KATNAL1: variants seen among roughly 807,000 people sequenced by gnomAD.
KATNAL1 encodes katanin p60 ATPase-containing subunit A-like 1.
Under a neutral mutation model 55.2 loss-of-function variants are expected in KATNAL1, and 32 were observed. The ratio of observed to expected loss-of-function variants is 0.58; its 90% CI spans 0.44 to 0.78. The LOEUF (loss-of-function observed/expected upper bound fraction) is 0.78. Among genes scored for constraint, KATNAL1 ranks in the 30% least tolerant of loss-of-function variants. The pLI is 0.00. For missense variants in KATNAL1, 466 were observed against 600.9 expected, an observed-to-expected ratio of 0.78 and a Z score of 2.35; for synonymous variants, 193 against 193.6, an observed-to-expected ratio of 1.00 and a Z score of 0.02.
At chr13:30,266,501 T>C (rs992425032) in intron 3 of KATNAL1, among the ~76,000 whole-genome samples, 7 of 152,336 alleles carry the variant, frequency 4.6e-5, no homozygotes, top group Non-Finnish European at 1.0e-4. Context: ...TAATATTAAA[T>C]TTCTCCTAAG....
intron 4 of KATNAL1, among the ~76,000 whole-genome samples, chr13:30,253,519 G>T (rs928704452): frequency 3.3e-5 from 5 of 151,964 alleles, no homozygotes; most frequent in African/African-American, 1.2e-4. Context: ...AAAAAAATTA[G>T]CCGGGCATGG....
chr13:30,260,237 A>C (rs1345787514), intron 3 of KATNAL1, among the ~76,000 whole-genome samples: 1 of 152,200 alleles, frequency 6.6e-6, no homozygotes, highest in East Asian at 1.9e-4. Context: ...ACCATCATCA[A>C]AGACCAAAAG....
chr13:30,283,751 A>G lies in KATNAL1; in HGVS notation c.27T>C (p.Asn9=), dbSNP rs771208247. ...GGGCATATTCTCTTCCTTTCTTTGC[A>G]TTATCACAAATCTCAGCCAAATTCA... The part of the protein sequence containing the change: MNLAEICD[N]AKKGREYALL... Residue 9 remains asparagine, a synonymous_variant, in exon 2 of 11, where the codon AAT becomes AAC. Coordinates refer to ENST00000380615, the MANE Select transcript of KATNAL1 (RefSeq NM_032116.5). The G allele has an allele frequency of 1.3e-5, 21 of 1,610,948 alleles. No homozygotes were observed. The East Asian group carries it at 4.2e-4, about 33-fold the overall frequency.
chr13:30,277,852 G>A (rs897275190), intron 3 of KATNAL1, among the ~76,000 whole-genome samples: 7 of 150,344 alleles, frequency 4.7e-5, no homozygotes, highest in East Asian at 1.9e-4. Context: ...GCGTAGTGGC[G>A]GGCGCCTGTA....
intron 1 of KATNAL1, among the ~76,000 whole-genome samples, chr13:30,303,163 T>C (rs1170433724): frequency 1.3e-5 from 2 of 152,230 alleles, no homozygotes; most frequent in Non-Finnish European, 2.9e-5. Flanking sequence ...ATTTACTCCT[T>C]TGCCATCCGT....
chr13:30,209,468 A>G (rs1873451780), intron 10 of KATNAL1, among the ~76,000 whole-genome samples: 1 of 152,236 alleles, frequency 6.6e-6, no homozygotes, highest in African/African-American at 2.4e-5. Flanking sequence ...CGAGCAGAAA[A>G]GGTGAGAAAA....
chr13:30,221,869 T>C (rs973922083), intron 9 of KATNAL1, among the ~76,000 whole-genome samples: 10 of 152,202 alleles, frequency 6.6e-5, no homozygotes, highest in South Asian at 6.2e-4. Context: ...CTGACCAACA[T>C]GAGGAAACCC....
intron 3 of KATNAL1, among the ~76,000 whole-genome samples, chr13:30,260,595 A>T (rs9741202): frequency 0.013 from 2,008 of 152,184 alleles, 37 homozygotes; most frequent in African/African-American, 0.045. Context: ...GGAGCCGATG[A>T]GATCAACTGG....
At chr13:30,253,082 T>A (rs1178793349) in intron 4 of KATNAL1, among the ~76,000 whole-genome samples, 2 of 152,174 alleles carry the variant, frequency 1.3e-5, no homozygotes, top group African/African-American at 4.8e-5. Context: ...TTAGCAGAAG[T>A]GGGTATCTAT....
intron 3 of KATNAL1, among the ~76,000 whole-genome samples, chr13:30,269,751 C>T (rs1170946823): frequency 6.6e-5 from 10 of 150,560 alleles, no homozygotes; most frequent in Non-Finnish European, 1.3e-4. Flanking sequence ...GGAGACCCTC[C>T]GCCTGGCAAC....
intron 3 of KATNAL1, among the ~76,000 whole-genome samples, chr13:30,276,322 C>T (rs1413127930): frequency 4.6e-5 from 7 of 152,050 alleles, no homozygotes; most frequent in Admixed American, 6.6e-5. Flanking sequence ...GCAAAACCAC[C>T]GATGGAAAAC....
intron 9 of KATNAL1, among the ~76,000 whole-genome samples, chr13:30,223,919 T>C (rs1875177230): frequency 6.6e-6 from 1 of 152,254 alleles, no homozygotes. Flanking sequence ...TTCTATTCAA[T>C]TGCATCTGGA....
At chr13:30,231,586 T>A (rs1329270597) in intron 6 of KATNAL1, 114 bp from the exon 7 acceptor site, 1 of 614,566 alleles carries the variant, frequency 1.6e-6, no homozygotes, top group Non-Finnish European at 2.5e-6. Context: ...AAACTCAAAA[T>A]TGTCACAGTA....
At chr13:30,289,454 T>C (rs558455402) in intron 1 of KATNAL1, among the ~76,000 whole-genome samples, 1 of 152,326 alleles carries the variant, frequency 6.6e-6, no homozygotes, top group Non-Finnish European at 1.5e-5. Flanking sequence ...TTACTCTGGG[T>C]GCAGCCTGAT....
chr13:30,223,587 C>T (rs973028424), intron 9 of KATNAL1, among the ~76,000 whole-genome samples: 2 of 151,560 alleles, frequency 1.3e-5, no homozygotes, highest in Non-Finnish European at 2.9e-5. Context: ...AAAGCAGATA[C>T]CAAGTCAAAG....
intron 6 of KATNAL1, among the ~76,000 whole-genome samples, chr13:30,238,258 C>T (rs555365627): frequency 1.3e-5 from 2 of 152,256 alleles, no homozygotes; most frequent in African/African-American, 4.8e-5. Flanking sequence ...TCTAAGGCCT[C>T]ATTAATTCAT....
At chr13:30,254,619 T>C (rs1878625298) in intron 4 of KATNAL1, among the ~76,000 whole-genome samples, 1 of 152,212 alleles carries the variant, frequency 6.6e-6, no homozygotes, top group African/African-American at 2.4e-5. Context: ...GGATAACCAC[T>C]TGTTATTAGA....
chr13:30,306,236 T>C (rs1883167741), intron 1 of KATNAL1, among the ~76,000 whole-genome samples: 1 of 152,192 alleles, frequency 6.6e-6, no homozygotes, highest in African/African-American at 2.4e-5. Flanking sequence ...CTCTAAGGAC[T>C]CAAGTGTACT....
intron 6 of KATNAL1, among the ~76,000 whole-genome samples, 159 bp downstream of exon 6, chr13:30,240,301 A>G (rs1024747296): frequency 5.3e-5 from 8 of 152,234 alleles, no homozygotes; most frequent in Non-Finnish European, 1.2e-4. Flanking sequence ...GATGTAACAC[A>G]TCACAACTAC....
Sources: allele counts gnomAD v4.1 joint callset (sites outside exome capture counted in the v4.1 genomes callset), GRCh38; gene constraint gnomAD v4.1.1; transcripts MANE v1.5; gene names NCBI Gene and HGNC (gene_info 2026-07-23, HGNC 2026-07-21).